CAST: variants seen among roughly 807,000 people sequenced by gnomAD.
CAST encodes the protein MIR583 host.
A neutral mutation model predicts 119.6 loss-of-function variants in CAST; 76 were observed. The ratio of observed to expected loss-of-function variants is 0.64; its 90% confidence interval spans 0.53 to 0.77. The LOEUF (loss-of-function observed/expected upper bound fraction) is 0.77. CAST is among the 30% of genes least tolerant of loss of function. The pLI is 0.00. For synonymous variants in CAST, 319 were observed against 331.6 expected (o/e 0.96, Z 0.41); for missense variants, 953 against 946.5 (o/e 1.01, Z -0.09).
rs201861206 is a variant in CAST, at chr5:96,623,862, ATTT to A, written c.61-51669_61-51667del. Among the ~76,000 whole-genome samples, 342 of 148,388 alleles carry A rather than the reference ATTT, an allele frequency of 2.3e-3. 3 individuals are homozygous for A. Among genetic ancestry groups the A allele is most frequent in the African/African-American group, 8.3e-3 (334 of 40,436 alleles). ...CAGGTGCATGCCACTACACCTGGCT[ATTT>A]TTTTTTTATTTCATGTAGAGATGAG... On this transcript the variant is annotated intron_variant, in intron 1 of 11. Coordinates refer to the CAST transcript ENST00000505143.
the CAST span, among the ~76,000 whole-genome samples, chr5:96,023,403 T>C: frequency 1.3e-5 from 2 of 152,138 alleles, no homozygotes; most frequent in East Asian, 1.9e-4. Flanking sequence ...GTTTGAAACG[T>C]TGAGTAGGGA....
At chr5:96,405,261 A>G in the CAST span, among the ~76,000 whole-genome samples, 10 of 152,226 alleles carry the variant, frequency 6.6e-5, no homozygotes, top group African/African-American at 2.4e-4. Context: ...CTGGGAGATC[A>G]TAGACTCTTA....
At chr5:96,252,444 G>A in the CAST span, among the ~76,000 whole-genome samples, 5 of 152,106 alleles carry the variant, frequency 3.3e-5, no homozygotes, top group Middle Eastern at 3.4e-3. Context: ...CAAAACTTAC[G>A]ACTAAATGAC....
chr5:96,031,339 G>A, the CAST span, among the ~76,000 whole-genome samples: 1 of 151,632 alleles, frequency 6.6e-6, no homozygotes, highest in African/African-American at 2.4e-5. Flanking sequence ...TTAACAGATG[G>A]TCCTTGTTTT....
the CAST span, among the ~76,000 whole-genome samples, chr5:96,332,486 G>A: frequency 3.3e-5 from 5 of 151,978 alleles, no homozygotes. Flanking sequence ...AGTAGTGGGT[G>A]ATGATAAAAA....
chr5:96,409,388 G>A, the CAST span, among the ~76,000 whole-genome samples: 11 of 152,354 alleles, frequency 7.2e-5, no homozygotes, highest in East Asian at 2.1e-3. Context: ...GGCTGCGGAA[G>A]CAAGGTTGCC....
At chr5:96,675,747 T>C in intron 2 of CAST, 146 bp downstream of exon 2, 2 of 584,758 alleles carry the variant, frequency 3.4e-6, no homozygotes, top group East Asian at 2.9e-5. Context: ...GGTTCAAGAA[T>C]ATAAAAGGAA....
At chr5:96,729,245 A>G (rs377753591) in intron 7 of CAST, 36 bp downstream of exon 7, 41 of 1,152,258 alleles carry the variant, frequency 3.6e-5, no homozygotes, top group Middle Eastern at 2.0e-4. Context: ...TTATAAGGCA[A>G]CCTCTTTTGG....
chr5:96,753,962 T>G, intron 20 of CAST, 98 bp from the exon 21 acceptor site: 1 of 721,238 alleles, frequency 1.4e-6, no homozygotes, highest in Non-Finnish European at 2.5e-6. Context: ...GCGTGTGCCT[T>G]TTATCTGAAA....
At chr5:96,548,226 T>C (rs912230023) in intron 1 of CAST, among the ~76,000 whole-genome samples, 1 of 152,206 alleles carries the variant, frequency 6.6e-6, no homozygotes, top group Non-Finnish European at 1.5e-5. Flanking sequence ...CAATTCTCAA[T>C]GAGGCAACAA....
chr5:96,403,545 T>C, the CAST span, among the ~76,000 whole-genome samples: 1 of 152,248 alleles, frequency 6.6e-6, no homozygotes, highest in Non-Finnish European at 1.5e-5. Flanking sequence ...CTTCCTTTGT[T>C]AATTTGTGCT....
chr5:96,299,295 CAAACAAAA>C, the CAST span, among the ~76,000 whole-genome samples: 2 of 140,014 alleles, frequency 1.4e-5, no homozygotes, highest in Non-Finnish European at 3.0e-5. Flanking sequence ...CAACAACAAA[CAAACAAAA>C]AACATGTAAT....
At chr5:96,417,577 T>C in the CAST span, among the ~76,000 whole-genome samples, 1 of 151,954 alleles carries the variant, frequency 6.6e-6, no homozygotes, top group Non-Finnish European at 1.5e-5. Flanking sequence ...AGGATTCTCT[T>C]GAAAGTGAAG....
rs1178896970 is a variant in CAST, at chr5:96,641,240, ATT to A, written c.61-34296_61-34295del. The stretch of plus-strand genomic sequence containing the variant: ...ATTGTAGAAATAAAGGGAAAATAAA[ATT>A]TTCTTTTCTAATTTTGTCTAGTGAT... On this transcript the variant is annotated intron_variant, in intron 1 of 11. Coordinates refer to the CAST transcript ENST00000505143. Among the ~76,000 whole-genome samples the A allele has an allele frequency of 2.6e-5, 4 of 152,204 alleles. No homozygotes were observed. The South Asian group carries it at 6.2e-4, about 24-fold the overall frequency.
intron 1 of CAST, among the ~76,000 whole-genome samples, chr5:96,617,037 G>A (rs931120180): frequency 6.6e-6 from 1 of 152,058 alleles, no homozygotes; most frequent in Non-Finnish European, 1.5e-5. Flanking sequence ...ACACATCAAG[G>A]CCATTGCTTG....
intron 1 of CAST, among the ~76,000 whole-genome samples, chr5:96,664,316 C>A (rs913998388): frequency 6.7e-6 from 1 of 149,866 alleles, no homozygotes; most frequent in Non-Finnish European, 1.5e-5. Flanking sequence ...TATATATTTA[C>A]ACATATATGT....
chr5:96,009,537 A>C, the CAST span, among the ~76,000 whole-genome samples: 145,155 of 152,294 alleles, frequency 0.95, 69,235 homozygotes, highest in East Asian at 1. Context: ...ATTTGCATTT[A>C]TCTGATGGTT....
chr5:96,109,114 G>A, the CAST span, among the ~76,000 whole-genome samples: 293 of 152,272 alleles, frequency 1.9e-3, no homozygotes, highest in African/African-American at 3.4e-3. Context: ...ACTGACCTGC[G>A]CCCACTGTCT....
At chr5:96,192,675 C>G in the CAST span, among the ~76,000 whole-genome samples, 3 of 152,150 alleles carry the variant, frequency 2.0e-5, no homozygotes, top group Non-Finnish European at 4.4e-5. Flanking sequence ...ACTTCCTACC[C>G]CATCAACGTC....
Sources: gnomAD v4.1 joint callset for allele counts (sites outside exome capture counted in the v4.1 genomes callset) on GRCh38, gnomAD v4.1.1 for gene constraint, MANE v1.5 for transcripts, NCBI Gene and HGNC (gene_info 2026-07-23, HGNC 2026-07-21) for gene names.